The following MIPOL1 variants were observed in gnomAD, a reference collection of about 807,000 sequenced individuals.
MIPOL1 encodes the protein mirror-image polydactyly 1, also known as mirror-image polydactyly gene 1 protein.
A neutral mutation model predicts 60.9 loss-of-function variants in MIPOL1; 57 were observed. That is an observed-to-expected ratio of 0.94 (90% CI 0.76 to 1.17). The LOEUF (loss-of-function observed/expected upper bound fraction) is 1.17. Ranked by LOEUF, MIPOL1 falls within the 50% of genes most tolerant of loss-of-function variation. The probability of loss-of-function intolerance (pLI) is 0.00; values close to 1 mark genes in which losing one functional copy is unlikely to be tolerated. For missense variants in MIPOL1, 551 were observed against 511.6 expected (o/e 1.08, Z -0.74); for synonymous variants, 179 against 168.8 (o/e 1.06, Z -0.47).
At chr14:37,485,042 G>A (rs982101916) in intron 11 of MIPOL1, among the ~76,000 whole-genome samples, 1 of 152,012 alleles carries the variant, frequency 6.6e-6, no homozygotes, top group African/African-American at 2.4e-5. Context: ...CCTTCCCTGT[G>A]TCCATGTGTT....
chr14:37,420,496 T>C (rs572145590), intron 10 of MIPOL1, among the ~76,000 whole-genome samples: 7 of 152,278 alleles, frequency 4.6e-5, no homozygotes, highest in African/African-American at 1.4e-4. Flanking sequence ...AAGAGACTTA[T>C]TTTTGACATA....
In MIPOL1 at chr14:37,457,874, T is replaced by C. The variant is rs150862628; in HGVS notation, c.1031+34925T>C. 4.5e-4 allele frequency among the ~76,000 whole-genome samples: 68 copies of C among 152,254 alleles called. 1 individual carries two copies. Among genetic ancestry groups the C allele is most frequent in the African/African-American group, 1.3e-3 (54 of 41,546 alleles). ...GTTCACAAGTTACCTGGCTGAAGCA[T>C]TTGCTGCCTGCAAGAAACCCACCTC... On this transcript the variant is annotated intron_variant, in intron 11 of 12. Coordinates refer to ENST00000684589, the MANE Select transcript of MIPOL1 (RefSeq NM_001388067.1).
At chr14:37,402,933 T>G (rs1353754314) in intron 10 of MIPOL1, among the ~76,000 whole-genome samples, 1 of 152,132 alleles carries the variant, frequency 6.6e-6, no homozygotes, top group African/African-American at 2.4e-5. Context: ...CTCTGCATGG[T>G]TATATAAGAT....
chr14:37,446,142 C>A (rs1255559040), intron 11 of MIPOL1, among the ~76,000 whole-genome samples: 1 of 152,144 alleles, frequency 6.6e-6, no homozygotes, highest in East Asian at 1.9e-4. Context: ...AGGCAACCTA[C>A]AAAATGGGAG....
chr14:37,214,010 C>T (rs1967147203), intron 1 of MIPOL1, among the ~76,000 whole-genome samples: 1 of 152,066 alleles, frequency 6.6e-6, no homozygotes, highest in Admixed American at 6.6e-5. Flanking sequence ...GAAATAAAGG[C>T]TTTCCCAGAC....
In MIPOL1 at chr14:37,233,506, C is replaced by T. The variant is rs184721101; in HGVS notation, c.-198-13597C>T. 2.6e-5 allele frequency among the ~76,000 whole-genome samples: 4 copies of T among 152,134 alleles called. No individual in the cohort carries two copies. In the East Asian group the frequency reaches 7.7e-4, roughly 29 times the overall value. ...AATGATACCAGCCATTTAGTCCATC[C>T]CTAAAGAACTGAGGGTCCTAGGAAT... On this transcript the variant is annotated intron_variant, in intron 1 of 12. Coordinates refer to ENST00000684589, the MANE Select transcript of MIPOL1 (RefSeq NM_001388067.1).
intron 3 of MIPOL1, among the ~76,000 whole-genome samples, chr14:37,264,510 C>T (rs1353382194): frequency 6.6e-6 from 1 of 151,626 alleles, no homozygotes; most frequent in Non-Finnish European, 1.5e-5. Flanking sequence ...CAGCTGTAGT[C>T]TCAACTATTC....
At chr14:37,486,883 G>A (rs1220110922) in intron 11 of MIPOL1, among the ~76,000 whole-genome samples, 3 of 152,020 alleles carry the variant, frequency 2.0e-5, no homozygotes, top group African/African-American at 7.2e-5. Context: ...GAATGGGAGT[G>A]GGTATGAGAG....
chr14:37,494,020 C>T (rs576106554), intron 11 of MIPOL1, among the ~76,000 whole-genome samples: 7 of 152,180 alleles, frequency 4.6e-5, no homozygotes, highest in East Asian at 1.9e-4. Context: ...GCTAAACAAG[C>T]GGGCCTTGTT....
intron 12 of MIPOL1, among the ~76,000 whole-genome samples, chr14:37,530,298 T>C (rs2095471580): frequency 6.6e-6 from 1 of 152,218 alleles, no homozygotes; most frequent in Non-Finnish European, 1.5e-5. Flanking sequence ...TTTCATTTTC[T>C]TTTGTGTAAC....
chr14:37,341,254 G>A (rs1211704207), intron 9 of MIPOL1, among the ~76,000 whole-genome samples: 2 of 152,112 alleles, frequency 1.3e-5, no homozygotes, highest in African/African-American at 4.8e-5. Context: ...TGCTTGACAC[G>A]GGGTTGCCAC....
intron 1 of MIPOL1, among the ~76,000 whole-genome samples, chr14:37,213,571 T>A (rs1054621925): frequency 2.0e-5 from 3 of 151,846 alleles, no homozygotes; most frequent in African/African-American, 7.3e-5. Context: ...GCCTACAGGA[T>A]CCAGAAAATA....
At chr14:37,298,473 C>G (rs192861479) in intron 7 of MIPOL1, among the ~76,000 whole-genome samples, 203 of 152,280 alleles carry the variant, frequency 1.3e-3, no homozygotes, top group African/African-American at 4.8e-3. Context: ...AATGAAAGAG[C>G]TTCTGCATGG....
At chr14:37,270,632 G>T in intron 6 of MIPOL1, 107 bp downstream of exon 6, 2 of 397,056 alleles carry the variant, frequency 5.0e-6, no homozygotes, top group Non-Finnish European at 4.2e-6. Context: ...CAAAGGAGGG[G>T]AAGCTCTCCT....
At chr14:37,490,315 G>A (rs1462299044) in intron 11 of MIPOL1, among the ~76,000 whole-genome samples, 1 of 152,150 alleles carries the variant, frequency 6.6e-6, no homozygotes, top group African/African-American at 2.4e-5. Flanking sequence ...CCAAGCTGGT[G>A]CATCCGAGGT....
At chr14:37,394,614 G>GA (rs2093336140) in intron 10 of MIPOL1, among the ~76,000 whole-genome samples, 1 of 151,292 alleles carries the variant, frequency 6.6e-6, no homozygotes, top group South Asian at 2.1e-4. Context: ...GGGATTGTTT[G>GA]TTTTTTTTCT....
chr14:37,403,270 T>C (rs891119184), intron 10 of MIPOL1, among the ~76,000 whole-genome samples: 1 of 152,124 alleles, frequency 6.6e-6, no homozygotes, highest in Non-Finnish European at 1.5e-5. Context: ...TACAGAATCT[T>C]AAATATTACA....
intron 11 of MIPOL1, among the ~76,000 whole-genome samples, chr14:37,429,873 G>A (rs1449775045): frequency 6.6e-6 from 1 of 151,716 alleles, no homozygotes; most frequent in Non-Finnish European, 1.5e-5. Context: ...GTTTTTTATT[G>A]GACCATATGC....
intron 10 of MIPOL1, among the ~76,000 whole-genome samples, chr14:37,414,018 A>G (rs1241558973): frequency 2.0e-5 from 3 of 152,136 alleles, no homozygotes; most frequent in Admixed American, 6.6e-5. Flanking sequence ...TTTAACATCA[A>G]TTGATTTCAG....
Sources: allele counts gnomAD v4.1 joint callset (sites outside exome capture counted in the v4.1 genomes callset), GRCh38; gene constraint gnomAD v4.1.1; transcripts MANE v1.5; gene names NCBI Gene and HGNC (gene_info 2026-07-23, HGNC 2026-07-21).